The following ACSBG1 variants were observed in gnomAD, a reference collection of about 807,000 sequenced individuals.
The protein encoded by ACSBG1 is acyl-CoA synthetase bubblegum family member 1, also known as long-chain-fatty-acid--CoA ligase ACSBG1.
ACSBG1 carries 39 observed loss-of-function variants against 80.2 expected under a neutral mutation model. The observed-to-expected ratio is 0.49, with a 90% CI of 0.38 to 0.64. The LOEUF is 0.64. Ranked by LOEUF, ACSBG1 falls within the 30% of genes least tolerant of loss-of-function variation. The probability of loss-of-function intolerance (pLI) is 0.00; values close to 1 mark genes in which losing one functional copy is unlikely to be tolerated. For missense variants in ACSBG1, 828 were observed against 966.4 expected, an observed-to-expected ratio of 0.86 and a Z score of 1.90; for synonymous variants, 392 against 379.5, an observed-to-expected ratio of 1.03 and a Z score of -0.38.
chr15:78,218,940 T>G (rs1390654696), intron 1 of ACSBG1, among the ~76,000 whole-genome samples: 1 of 150,962 alleles, frequency 6.6e-6, no homozygotes, highest in Non-Finnish European at 1.5e-5. Context: ...GCCTCCCGAA[T>G]AGCTGGGATC....
intron 5 of ACSBG1, among the ~76,000 whole-genome samples, chr15:78,183,290 A>G (rs1332485192): frequency 6.6e-6 from 1 of 152,258 alleles, no homozygotes; most frequent in Non-Finnish European, 1.5e-5. Flanking sequence ...ATGTTTACAA[A>G]AAGAGGCCGG....
At chr15:78,222,127 A>C (rs1318772005) in intron 1 of ACSBG1, among the ~76,000 whole-genome samples, 1 of 152,242 alleles carries the variant, frequency 6.6e-6, no homozygotes, top group Non-Finnish European at 1.5e-5. Context: ...AAAAAAATGA[A>C]GTACTGATAC....
intron 2 of ACSBG1, among the ~76,000 whole-genome samples, chr15:78,199,544 C>T (rs1324012420): frequency 6.6e-6 from 1 of 151,946 alleles, no homozygotes; most frequent in Non-Finnish European, 1.5e-5. Context: ...GATCTTATCT[C>T]TACAAAAATT....
At chr15:78,198,573 C>A (rs535163666) in intron 2 of ACSBG1, among the ~76,000 whole-genome samples, 1 of 152,088 alleles carries the variant, frequency 6.6e-6, no homozygotes, top group East Asian at 1.9e-4. Context: ...GTCTTGAACT[C>A]CTGACCTCAG....
chr15:78,189,113 A>G (rs1265000734), intron 5 of ACSBG1, among the ~76,000 whole-genome samples: 3 of 151,902 alleles, frequency 2.0e-5, no homozygotes, highest in Non-Finnish European at 4.4e-5. Flanking sequence ...AATCAAAACC[A>G]CAATGAGATA....
chr15:78,181,331 A>G (rs1239992539), intron 8 of ACSBG1, among the ~76,000 whole-genome samples: 4 of 152,030 alleles, frequency 2.6e-5, no homozygotes, highest in African/African-American at 7.2e-5. Context: ...TTTTCCTCAC[A>G]GTTAAAATAA....
In ACSBG1 at chr15:78,167,542, T is replaced by C. The variant is rs887894775; in HGVS notation, c.*3902A>G. 2.6e-5 allele frequency: 4 copies of C among 152,244 alleles called. No homozygotes were observed. Among genetic ancestry groups the C allele is most frequent in the Non-Finnish European group, 5.9e-5 (4 of 68,040 alleles). The allele number at this position is 152,244 out of a possible 1,614,324, so 9.4% of individuals were successfully genotyped here. A position where few individuals can be genotyped will look rare whatever the true frequency, so the allele number is the denominator to read the frequency against. On this transcript the variant is annotated 3_prime_UTR_variant, in exon 14 of 14. Coordinates refer to ENST00000258873, the MANE Select transcript of ACSBG1 (RefSeq NM_015162.5). ...TAAAATTTGCCATTTTAGCCGTATT[T>C]AGGTATACAGTTCAATAATGTTAAG...
intron 5 of ACSBG1, among the ~76,000 whole-genome samples, chr15:78,187,626 C>A (rs531564773): frequency 1.8e-4 from 27 of 152,214 alleles, no homozygotes; most frequent in Admixed American, 3.9e-4. Context: ...ATTCAACAAC[C>A]CTTCATGATA....
chr15:78,194,371 G>T, intron 3 of ACSBG1, 135 bp downstream of exon 3: 1 of 813,526 alleles, frequency 1.2e-6, no homozygotes, highest in Non-Finnish European at 1.9e-6. Context: ...TCAGCCCCAC[G>T]CACAATGACA....
At chr15:78,173,051 T>C (rs2141316591) in intron 13 of ACSBG1, among the ~76,000 whole-genome samples, 1 of 152,318 alleles carries the variant, frequency 6.6e-6, no homozygotes, top group East Asian at 1.9e-4. Context: ...ATTAGAAAGT[T>C]CTAGCACATA....
Position 78,178,918 on chromosome 15 carries a change from C to T in ACSBG1, c.1485-87G>A. On this transcript the variant is annotated intron_variant, in intron 10 of 13. Coordinates refer to ENST00000258873, the MANE Select transcript of ACSBG1 (RefSeq NM_015162.5). This position sits in a 1 kb window ranked among gnomAD's most constrained non-coding sequence, Gnocchi z 4.3. The stretch of plus-strand genomic sequence containing the variant: ...GGAGCCGGGGTCCCAACTGCTCGGT[C>T]TTCACTGATTGCTAGAAGGTATCCC... The T allele has an allele frequency of 7.5e-7, 1 of 1,338,118 alleles. No homozygotes were observed. The highest frequency in any genetic ancestry group is 1.0e-6 in the Non-Finnish European group (1 of 991,810). The allele number at this position is 1,338,118 out of a possible 1,614,324, so 82.9% of individuals were successfully genotyped here. A position where few individuals can be genotyped will look rare whatever the true frequency, so the allele number is the denominator to read the frequency against.
At chr15:78,202,728 G>T in intron 2 of ACSBG1, among the ~76,000 whole-genome samples, 1 of 152,208 alleles carries the variant, frequency 6.6e-6, no homozygotes, top group East Asian at 1.9e-4. Context: ...GTACAGCTTT[G>T]TTGGGGGCAA....
Position 78,179,724 on chromosome 15 carries a change from C to T in ACSBG1, c.1310G>A (p.Arg437His), listed in dbSNP as rs897987390. 10 of 1,613,976 alleles carry T rather than the reference C, an allele frequency of 6.2e-6. No individual in the cohort carries two copies. The highest frequency in any genetic ancestry group is 7.6e-6 in the Non-Finnish European group (9 of 1,180,000). The change falls in exon 10 of 14, where the codon CGC becomes CAC. Residue 437 changes from arginine (R) to histidine (H), a missense_variant. Around this residue, in one of 3 missense-constraint regions of ACSBG1, gnomAD observed 271 missense variants for 375.9 expected, o/e 0.72. Coordinates refer to ENST00000258873, the MANE Select transcript of ACSBG1 (RefSeq NM_015162.5). The part of the protein sequence containing the change: ...LADYLVLAKV[R>H]QALGFAKCQK... ...ACACTTGGCAAATCCCAGTGCCTGG[C>T]GAACCTTGGCTAGCACCAGGTAATC...
intron 1 of ACSBG1, chr15:78,209,176 G>A (rs758383071): frequency 4.2e-5 from 19 of 455,958 alleles, no homozygotes; most frequent in South Asian, 2.6e-4. Flanking sequence ...ACTCCTTGTC[G>A]GCACTGCAGG....
intron 2 of ACSBG1, among the ~76,000 whole-genome samples, chr15:78,197,733 A>G (rs2075128166): frequency 6.6e-6 from 1 of 151,076 alleles, no homozygotes; most frequent in African/African-American, 2.4e-5. Context: ...AAAAAAAAAA[A>G]AAAAAAAAAA....
chr15:78,201,774 T>C (rs887886077), intron 2 of ACSBG1, among the ~76,000 whole-genome samples: 1 of 152,230 alleles, frequency 6.6e-6, no homozygotes, highest in Non-Finnish European at 1.5e-5. Flanking sequence ...TTTTAGCTAC[T>C]GGCAAGGTAC....
At position 78,172,377 on chromosome 15, in the gene ACSBG1, TG is replaced by T. The variant is rs1343637793; in HGVS notation, c.2090-849del. 3.3e-5 allele frequency among the ~76,000 whole-genome samples: 5 copies of T among 152,328 alleles called. No homozygotes were observed. The highest frequency in any genetic ancestry group is 1.2e-4 in the African/African-American group (5 of 41,570). ...GGACATTATGCTTTGATGGTTGTGA[TG>T]GGGGTAGGGGAAGCCCAGGTTATGG... On this transcript the variant is annotated intron_variant, in intron 13 of 13. Transcript: ENST00000258873. The surrounding 1 kb of genome is among the most constrained non-coding windows in gnomAD (Gnocchi z 4.1).
At chr15:78,217,087 G>C (rs558039030) in intron 1 of ACSBG1, among the ~76,000 whole-genome samples, 8 of 152,324 alleles carry the variant, frequency 5.3e-5, no homozygotes, top group Admixed American at 4.6e-4. Context: ...AGGGCTCTGG[G>C]CTGGAATTCT....
chr15:78,187,744 A>G (rs1193724077), intron 5 of ACSBG1, among the ~76,000 whole-genome samples: 2 of 152,240 alleles, frequency 1.3e-5, no homozygotes, highest in Non-Finnish European at 2.9e-5. Context: ...AACTGGAAGC[A>G]TTCCCTTTGA....
Sources: allele counts gnomAD v4.1 joint callset (sites outside exome capture counted in the v4.1 genomes callset), GRCh38; gene constraint gnomAD v4.1.1; regional missense constraint gnomAD v4.1.1; non-coding constraint Gnocchi (gnomAD v3.1); transcripts MANE v1.5; gene names NCBI Gene and HGNC (gene_info 2026-07-23, HGNC 2026-07-21).